The following RPS6KA2 variants were observed in gnomAD, a reference collection of about 807,000 sequenced individuals.
The protein encoded by RPS6KA2 is ribosomal protein S6 kinase alpha-2.
RPS6KA2 carries 42 observed loss-of-function variants against 91.8 expected under a neutral mutation model. The ratio of observed to expected loss-of-function variants is 0.46; its 90% CI spans 0.36 to 0.59. The LOEUF (loss-of-function observed/expected upper bound fraction) is 0.59, where lower values mean the gene tolerates loss of function less well. RPS6KA2 is among the 20% of genes least tolerant of loss of function. RPS6KA2 has a pLI of 0.00. For missense variants in RPS6KA2, 798 were observed against 978.5 expected (o/e 0.82, Z 2.46); for synonymous variants, 414 against 393.6 (o/e 1.05, Z -0.61).
chr6:166,705,059 C>T (rs1034565071), intron 2 of RPS6KA2, among the ~76,000 whole-genome samples: 2 of 152,210 alleles, frequency 1.3e-5, no homozygotes, highest in East Asian at 3.8e-4. Flanking sequence ...ATGCAAACTT[C>T]TCAGGTACTT....
intron 1 of RPS6KA2, among the ~76,000 whole-genome samples, chr6:166,575,421 A>G (rs933092041): frequency 1.3e-5 from 2 of 152,170 alleles, no homozygotes; most frequent in African/African-American, 2.4e-5. Context: ...TGGAAGCACT[A>G]TGAAATCCAA....
intron 2 of RPS6KA2, among the ~76,000 whole-genome samples, chr6:166,766,212 C>T (rs1778307869): frequency 6.6e-6 from 1 of 152,164 alleles, no homozygotes; most frequent in African/African-American, 2.4e-5. Context: ...AGAGACAACA[C>T]TTATCCATGT....
intron 19 of RPS6KA2, among the ~76,000 whole-genome samples, chr6:166,417,564 T>A (rs192595323): frequency 6.6e-6 from 1 of 151,892 alleles, no homozygotes; most frequent in African/African-American, 2.4e-5. Context: ...AGTCACAGAC[T>A]TCCCCGTCCC....
intron 19 of RPS6KA2, among the ~76,000 whole-genome samples, chr6:166,414,933 C>T (rs1387655648): frequency 6.6e-6 from 1 of 152,172 alleles, no homozygotes; most frequent in Non-Finnish European, 1.5e-5. Context: ...GGTGTGGTGG[C>T]ATGCGCCTAT....
At chr6:166,550,443 TAA>T (rs11307998) in intron 1 of RPS6KA2, among the ~76,000 whole-genome samples, 10 of 151,614 alleles carry the variant, frequency 6.6e-5, no homozygotes, top group Non-Finnish European at 1.3e-4. Flanking sequence ...TATTAATTGG[TAA>T]AAAAAAAGAA....
At chr6:166,673,944 A>T (rs1427019268) in intron 2 of RPS6KA2, among the ~76,000 whole-genome samples, 2 of 152,226 alleles carry the variant, frequency 1.3e-5, no homozygotes, top group African/African-American at 4.8e-5. Context: ...AAATATACAT[A>T]AAGAGCCATG....
chr6:166,751,323 G>A (rs773389599), intron 2 of RPS6KA2, among the ~76,000 whole-genome samples: 2 of 152,252 alleles, frequency 1.3e-5, no homozygotes, highest in Admixed American at 6.5e-5. Flanking sequence ...ATTCAGATGA[G>A]TTCCAGGGAC....
chr6:166,664,159 T>C (rs2128558723), intron 2 of RPS6KA2, among the ~76,000 whole-genome samples: 1 of 152,368 alleles, frequency 6.6e-6, no homozygotes, highest in South Asian at 2.1e-4. Context: ...ATTGATTTAA[T>C]TTCCCAAGCT....
chr6:166,472,831 T>G (rs1780821620), intron 10 of RPS6KA2, among the ~76,000 whole-genome samples: 2 of 152,182 alleles, frequency 1.3e-5, no homozygotes, highest in South Asian at 4.1e-4. Flanking sequence ...TCTAGAGGAC[T>G]GCTGCCACTC....
chr6:166,760,858 A>G (rs1778150250), intron 2 of RPS6KA2, among the ~76,000 whole-genome samples: 1 of 152,248 alleles, frequency 6.6e-6, no homozygotes, highest in East Asian at 1.9e-4. Flanking sequence ...CCAAACTTCC[A>G]TAAGAATTAA....
In RPS6KA2 at chr6:166,435,119, G is replaced by A. The variant is rs1779253463; in HGVS notation, c.1333-2629C>T. Among the ~76,000 whole-genome samples the A allele has an allele frequency of 6.6e-6, 1 of 152,146 alleles. No individual in the cohort carries two copies. The highest frequency in any genetic ancestry group is 6.5e-5 in the Admixed American group (1 of 15,276). Reference sequence around the variant, plus strand: ...TACTATTTTGTAAGCTGAAATTGCAGGACAACGTGACTATTATTTTAAAGA... The same window carrying A: ...TACTATTTTGTAAGCTGAAATTGCAAGACAACGTGACTATTATTTTAAAGA... On this transcript the variant is annotated intron_variant, in intron 14 of 20. Coordinates refer to ENST00000265678, the MANE Select transcript of RPS6KA2 (RefSeq NM_021135.6). The surrounding 1 kb of genome is among the most constrained non-coding windows in gnomAD (Gnocchi z 4.3).
rs112823430 is a variant in RPS6KA2, at chr6:166,437,117, G to A, written c.1333-4627C>T. Among the ~76,000 whole-genome samples, 1,037 of 152,148 alleles carry A rather than the reference G, an allele frequency of 6.8e-3. 20 individuals carry two copies. Among genetic ancestry groups the A allele is most frequent in the African/African-American group, 0.024 (999 of 41,492 alleles). ...GGCTGGAGAGTGCTAACGCAGGAGT[G>A]GGCAGTGAGGTGTGGCTACAGTCCT... is the stretch of plus-strand genomic sequence containing the variant. On this transcript the variant is annotated intron_variant, in intron 14 of 20. Transcript: ENST00000265678. The surrounding 1 kb of genome is among the most constrained non-coding windows in gnomAD (Gnocchi z 4.3).
At chr6:166,599,065 T>C (rs1785640501) in intron 1 of RPS6KA2, among the ~76,000 whole-genome samples, 1 of 152,312 alleles carries the variant, frequency 6.6e-6, no homozygotes, top group African/African-American at 2.4e-5. Context: ...TAAGAAATAA[T>C]TAAAGAATCC....
At chr6:166,415,013 T>C (rs1778449610) in intron 19 of RPS6KA2, among the ~76,000 whole-genome samples, 1 of 152,202 alleles carries the variant, frequency 6.6e-6, no homozygotes, top group South Asian at 2.1e-4. Context: ...TGGAGTGAGC[T>C]GAGATTGCAC....
intron 2 of RPS6KA2, among the ~76,000 whole-genome samples, chr6:166,832,375 T>C (rs924094136): frequency 2.0e-5 from 3 of 152,192 alleles, no homozygotes; most frequent in African/African-American, 7.2e-5. Context: ...TAGCAGAGGC[T>C]GAGCTGGATT....
At chr6:166,745,212 C>T (rs545834870) in intron 2 of RPS6KA2, among the ~76,000 whole-genome samples, 49 of 143,778 alleles carry the variant, frequency 3.4e-4, no homozygotes, top group Admixed American at 7.3e-4. Flanking sequence ...AGTGCAGTGG[C>T]GCCATCTCGG....
At chr6:166,618,834 C>A (rs1328088727) in intron 1 of RPS6KA2, among the ~76,000 whole-genome samples, 1 of 152,236 alleles carries the variant, frequency 6.6e-6, no homozygotes, top group African/African-American at 2.4e-5. Flanking sequence ...CTGTCATGAG[C>A]CTTGACACCG....
chr6:166,455,698 C>T (rs552186954), intron 12 of RPS6KA2, among the ~76,000 whole-genome samples: 3 of 152,336 alleles, frequency 2.0e-5, no homozygotes, highest in South Asian at 4.1e-4. Flanking sequence ...CTCTGCTTCG[C>T]GGCACACGGA....
At chr6:166,816,956 G>A (rs1217437260) in intron 2 of RPS6KA2, among the ~76,000 whole-genome samples, 2 of 152,134 alleles carry the variant, frequency 1.3e-5, no homozygotes, top group African/African-American at 4.8e-5. Flanking sequence ...CTCACTCCGA[G>A]TCCACGCCCC....
Sources: gnomAD v4.1 joint callset for allele counts (sites outside exome capture counted in the v4.1 genomes callset) on GRCh38, gnomAD v4.1.1 for gene constraint, Gnocchi (gnomAD v3.1) non-coding constraint, MANE v1.5 for transcripts, NCBI Gene and HGNC (gene_info 2026-07-23, HGNC 2026-07-21) for gene names.